GRM8: variants seen among roughly 807,000 people sequenced by gnomAD.
GRM8 encodes glutamate metabotropic receptor 8, also known as metabotropic glutamate receptor 8.
GRM8 carries 47 observed loss-of-function variants against 87.2 expected under a neutral mutation model. That is an observed-to-expected ratio of 0.54 (90% CI 0.43 to 0.69). GRM8 has a LOEUF of 0.69. Ranked by LOEUF, GRM8 falls within the 30% of genes least tolerant of loss-of-function variation. The probability of loss-of-function intolerance (pLI) is 0.00; values close to 1 mark genes in which losing one functional copy is unlikely to be tolerated. For missense variants in GRM8, 1,019 were observed against 1,139.2 expected, an observed-to-expected ratio of 0.89 and a Z score of 1.52; for synonymous variants, 396 against 404.5, an observed-to-expected ratio of 0.98 and a Z score of 0.25.
chr7:127,248,785 G>A (rs752471034), intron 1 of GRM8, among the ~76,000 whole-genome samples: 6 of 152,122 alleles, frequency 3.9e-5, no homozygotes, highest in Non-Finnish European at 8.8e-5. Context: ...TTCTCATCAC[G>A]CTTGGGTCTA....
chr7:127,064,781 G>A (rs756593313), intron 3 of GRM8, among the ~76,000 whole-genome samples: 3 of 152,050 alleles, frequency 2.0e-5, no homozygotes, highest in Admixed American at 6.6e-5. Flanking sequence ...CAATATCACC[G>A]ATCATTAGAG....
At chr7:126,947,522 T>C (rs528579831) in intron 3 of GRM8, among the ~76,000 whole-genome samples, 3 of 151,942 alleles carry the variant, frequency 2.0e-5, no homozygotes, top group Admixed American at 1.3e-4. Context: ...TTTATCTTAA[T>C]GTATATATAT....
At chr7:126,747,693 A>T (rs1050239250) in intron 7 of GRM8, among the ~76,000 whole-genome samples, 5 of 151,982 alleles carry the variant, frequency 3.3e-5, no homozygotes, top group Non-Finnish European at 5.9e-5. Flanking sequence ...CTTTCTCAGG[A>T]TGCTAATAAT....
chr7:127,121,477 C>T (rs1827081532), intron 2 of GRM8, among the ~76,000 whole-genome samples: 1 of 152,138 alleles, frequency 6.6e-6, no homozygotes, highest in South Asian at 2.1e-4. Context: ...TTTAACAGCC[C>T]ACAGGGGCTA....
At position 126,685,049 on chromosome 7, in the gene GRM8, C is replaced by T. The variant is rs764373179; in HGVS notation, c.1358-75551G>A. Among the ~76,000 whole-genome samples the T allele has an allele frequency of 6.6e-6, 1 of 152,136 alleles. No individual in the cohort carries two copies. Among genetic ancestry groups the T allele is most frequent in the South Asian group, 2.1e-4 (1 of 4,830 alleles). Reference sequence around the variant, plus strand: ...AGTGGTGGCCATGGGACCCCTGTGCCCTGCGTCCCCAAGGAAGCTGACTGC... The same window carrying T: ...AGTGGTGGCCATGGGACCCCTGTGCTCTGCGTCCCCAAGGAAGCTGACTGC... On this transcript the variant is annotated intron_variant, in intron 7 of 10. Transcript: ENST00000339582. This position sits in a 1 kb window ranked among gnomAD's most constrained non-coding sequence, Gnocchi z 4.2.
intron 9 of GRM8, among the ~76,000 whole-genome samples, chr7:126,508,305 G>A (rs1055742415): frequency 2.0e-5 from 3 of 147,224 alleles, no homozygotes; most frequent in South Asian, 2.1e-4. Context: ...GTTCTGGGGG[G>A]CTGAAAAATC....
chr7:127,042,783 C>A (rs908055192), intron 3 of GRM8, among the ~76,000 whole-genome samples: 4 of 152,226 alleles, frequency 2.6e-5, no homozygotes, highest in Non-Finnish European at 2.9e-5. Context: ...TAAACTAAAG[C>A]ACTTCTGCAC....
intron 2 of GRM8, among the ~76,000 whole-genome samples, chr7:127,222,967 G>A (rs188738590): frequency 8.5e-5 from 13 of 152,106 alleles, no homozygotes; most frequent in Non-Finnish European, 1.9e-4. Flanking sequence ...ATTAATGGAC[G>A]TTCTCAAAAG....
In GRM8 at chr7:126,712,509, A is replaced by C. The variant is rs187099469; in HGVS notation, c.1357+57356T>G. Among the ~76,000 whole-genome samples the C allele has an allele frequency of 2.8e-3, 428 of 152,356 alleles. 7 individuals carry two copies. The highest frequency in any genetic ancestry group is 9.8e-3 in the African/African-American group (407 of 41,588). On this transcript the variant is annotated intron_variant, in intron 7 of 10. Coordinates refer to ENST00000339582, the MANE Select transcript of GRM8 (RefSeq NM_000845.3). Reference sequence around the variant, plus strand: ...CGACTTGAAATAGAGTTCTCACAAAAATGCAATTTGTAAGAAACACAGTAC... The same window carrying C: ...CGACTTGAAATAGAGTTCTCACAAACATGCAATTTGTAAGAAACACAGTAC...
In GRM8 at chr7:127,170,797, C is replaced by T. The variant is rs147900647; in HGVS notation, c.511-64085G>A. Among the ~76,000 whole-genome samples the T allele has an allele frequency of 5.1e-3, 781 of 152,142 alleles. 5 individuals are homozygous for T. Among genetic ancestry groups the T allele is most frequent in the Middle Eastern group, 0.027 (8 of 294 alleles). On this transcript the variant is annotated intron_variant, in intron 2 of 10. Coordinates refer to ENST00000339582, the MANE Select transcript of GRM8 (RefSeq NM_000845.3). The stretch of plus-strand genomic sequence containing the variant: ...ATAAGTGGGAGCTAAGCTATGAGAA[C>T]GCAAAGGCATAAGAATGATACAACG...
intron 3 of GRM8, among the ~76,000 whole-genome samples, chr7:126,990,964 A>G (rs962721639): frequency 2.0e-5 from 3 of 152,232 alleles, no homozygotes; most frequent in Non-Finnish European, 4.4e-5. Context: ...ATCATTATAT[A>G]TAGTTTAACT....
intron 9 of GRM8, among the ~76,000 whole-genome samples, chr7:126,531,233 C>T (rs759297295): frequency 1.3e-5 from 2 of 152,130 alleles, no homozygotes; most frequent in African/African-American, 4.8e-5. Flanking sequence ...AATTTGTGGG[C>T]TCTAAAATAT....
intron 3 of GRM8, among the ~76,000 whole-genome samples, chr7:127,050,215 A>T (rs1819329751): frequency 6.6e-6 from 1 of 152,176 alleles, no homozygotes; most frequent in African/African-American, 2.4e-5. Context: ...ACAGAAGCAG[A>T]GACAGGGTAG....
At chr7:127,208,932 G>T (rs1796063625) in intron 2 of GRM8, among the ~76,000 whole-genome samples, 1 of 152,174 alleles carries the variant, frequency 6.6e-6, no homozygotes, top group Non-Finnish European at 1.5e-5. Context: ...TTTCCTTGGG[G>T]ATACATAGTT....
chr7:126,769,923 T>C lies in GRM8; in HGVS notation c.1299A>G (p.Arg433=). The part of the protein sequence containing the change: ...LCPGYIGLCP[R]MSTIDGKELL... ...GCTCTTTCCCATCAATGGTACTCATTCGTGGACAAAGGCCAATGTATCCAG... is the reference window on the plus strand; with the variant it reads ...GCTCTTTCCCATCAATGGTACTCATCCGTGGACAAAGGCCAATGTATCCAG... Residue 433 remains arginine, a synonymous_variant, in exon 7 of 11, where the codon CGA becomes CGG. Coordinates refer to ENST00000339582, the MANE Select transcript of GRM8 (RefSeq NM_000845.3). 1 of 1,613,180 alleles carries C rather than the reference T, an allele frequency of 6.2e-7. No homozygotes were observed. The highest frequency in any genetic ancestry group is 1.1e-5 in the South Asian group (1 of 91,060).
At chr7:126,596,137 A>C (rs991824344) in intron 8 of GRM8, among the ~76,000 whole-genome samples, 2 of 152,166 alleles carry the variant, frequency 1.3e-5, no homozygotes, top group African/African-American at 4.8e-5. Flanking sequence ...CAAAAACCCC[A>C]AAAACCAAAA....
At chr7:127,138,277 C>A (rs370116684) in intron 2 of GRM8, among the ~76,000 whole-genome samples, 4 of 152,136 alleles carry the variant, frequency 2.6e-5, no homozygotes, top group South Asian at 4.1e-4. Flanking sequence ...TTGTTAATTT[C>A]ATATAATTGG....
chr7:126,978,816 C>T (rs1210016585), intron 3 of GRM8, among the ~76,000 whole-genome samples: 1 of 152,136 alleles, frequency 6.6e-6, no homozygotes, highest in Non-Finnish European at 1.5e-5. Context: ...AATGGTTAGC[C>T]TAAGGGAGGT....
intron 2 of GRM8, among the ~76,000 whole-genome samples, chr7:127,196,789 G>A (rs1055704209): frequency 2.6e-5 from 4 of 152,150 alleles, no homozygotes; most frequent in South Asian, 4.2e-4. Context: ...ACTTCTCTGT[G>A]CCTCAGTTTC....
Sources: allele counts gnomAD v4.1 joint callset (sites outside exome capture counted in the v4.1 genomes callset), GRCh38; gene constraint gnomAD v4.1.1; non-coding constraint Gnocchi (gnomAD v3.1); transcripts MANE v1.5; gene names NCBI Gene and HGNC (gene_info 2026-07-23, HGNC 2026-07-21).